CSMD3: variants seen among roughly 807,000 people sequenced by gnomAD.
CSMD3 encodes the protein CUB and Sushi multiple domains 3.
Under a neutral mutation model 435.2 loss-of-function variants are expected in CSMD3, and 177 were observed. The ratio of observed to expected loss-of-function variants is 0.41; its 90% confidence interval spans 0.36 to 0.46. The LOEUF (loss-of-function observed/expected upper bound fraction) is 0.46, where lower values mean the gene tolerates loss of function less well. Among genes scored for constraint, CSMD3 ranks in the 20% least tolerant of loss-of-function variants. The probability of loss-of-function intolerance (pLI) is 0.34; values close to 1 mark genes in which losing one functional copy is unlikely to be tolerated. For synonymous variants in CSMD3, 1,656 were observed against 1,520.5 expected (o/e 1.09, Z -2.07); for missense variants, 4,265 against 4,504.6 (o/e 0.95, Z 1.52).
chr8:113,355,245 G>A (rs1337908941), intron 1 of CSMD3, among the ~76,000 whole-genome samples: 2 of 151,808 alleles, frequency 1.3e-5, no homozygotes, highest in Non-Finnish European at 2.9e-5. Context: ...GTATGTGTAG[G>A]TGTGTATGTG....
In CSMD3 at chr8:112,590,259, A is replaced by G. The variant is rs555293205; in HGVS notation, c.3716-3024T>C. Among the ~76,000 whole-genome samples, 8 of 152,224 alleles carry G rather than the reference A, an allele frequency of 5.3e-5. No homozygotes were observed. The East Asian group carries it at 1.4e-3, about 26-fold the overall frequency. ...TGGATGTCTATCATACAATCACTCA[A>G]ATAAAAATATAGTATGTGAAAGCAT... is the stretch of plus-strand genomic sequence containing the variant. On this transcript the variant is annotated intron_variant, in intron 22 of 70. Coordinates refer to ENST00000297405, the MANE Select transcript of CSMD3 (RefSeq NM_198123.2).
intron 1 of CSMD3, among the ~76,000 whole-genome samples, chr8:113,404,607 A>G (rs2094524465): frequency 6.6e-6 from 1 of 151,428 alleles, no homozygotes; most frequent in Admixed American, 6.6e-5. Flanking sequence ...TTGTCTGAGC[A>G]GGATATATGT....
At chr8:112,986,234 T>A (rs115116220) in intron 6 of CSMD3, among the ~76,000 whole-genome samples, 2,177 of 152,322 alleles carry the variant, frequency 0.014, 60 homozygotes, top group African/African-American at 0.05. Flanking sequence ...AATGTTTCTT[T>A]TCTATCTGAA....
chr8:113,308,853 T>C (rs2132639592), intron 2 of CSMD3, among the ~76,000 whole-genome samples: 1 of 152,330 alleles, frequency 6.6e-6, no homozygotes, highest in Admixed American at 6.5e-5. Flanking sequence ...CTGGATGTTA[T>C]TTAGTTTAAG....
chr8:113,104,326 T>C (rs954438371), intron 4 of CSMD3, among the ~76,000 whole-genome samples: 1 of 152,120 alleles, frequency 6.6e-6, no homozygotes, highest in East Asian at 1.9e-4. Context: ...CCATCAGCAC[T>C]CAAGTGAAAC....
At chr8:112,740,189 T>TA (rs1235009186) in intron 13 of CSMD3, among the ~76,000 whole-genome samples, 5 of 151,832 alleles carry the variant, frequency 3.3e-5, no homozygotes, top group African/African-American at 4.8e-5. Context: ...CACAAAAATA[T>TA]AAAAAAAATT....
chr8:112,958,166 A>G (rs926455996), intron 7 of CSMD3, among the ~76,000 whole-genome samples: 1 of 152,170 alleles, frequency 6.6e-6, no homozygotes, highest in East Asian at 1.9e-4. Context: ...AAGATGAAGC[A>G]CTTTCATTTG....
chr8:112,312,130 G>T (rs1822032921), intron 49 of CSMD3, among the ~76,000 whole-genome samples: 1 of 152,100 alleles, frequency 6.6e-6, no homozygotes, highest in Non-Finnish European at 1.5e-5. Context: ...AATTTAATGT[G>T]CTGACTTTTA....
intron 6 of CSMD3, among the ~76,000 whole-genome samples, chr8:113,017,672 A>G (rs1326295735): frequency 1.3e-5 from 2 of 151,986 alleles, no homozygotes; most frequent in African/African-American, 2.4e-5. Context: ...CCACAAGTAA[A>G]AGGGTCAACC....
chr8:112,753,540 A>G (rs538375425), intron 13 of CSMD3, among the ~76,000 whole-genome samples: 81 of 152,336 alleles, frequency 5.3e-4, no homozygotes, highest in African/African-American at 1.9e-3. Flanking sequence ...TAAACACGGA[A>G]AAAGTAGTGT....
intron 63 of CSMD3, 51 bp from the exon 64 acceptor site, chr8:112,247,182 T>G (rs1303263747): frequency 8.9e-6 from 10 of 1,125,458 alleles, no homozygotes; most frequent in Non-Finnish European, 1.1e-5. Context: ...ACTTCAAATA[T>G]GGCAACAAAC....
chr8:112,288,134 T>C (rs189490737), intron 57 of CSMD3, among the ~76,000 whole-genome samples: 71 of 152,206 alleles, frequency 4.7e-4, no homozygotes, highest in Admixed American at 1.1e-3. Context: ...CTTCATTATA[T>C]GTCCTTATTT....
intron 3 of CSMD3, among the ~76,000 whole-genome samples, chr8:113,269,321 A>T (rs938910321): frequency 2.6e-5 from 4 of 152,162 alleles, no homozygotes; most frequent in Non-Finnish European, 5.9e-5. Flanking sequence ...GATACAAACA[A>T]ATTGAAGAAT....
chr8:113,311,379 T>C (rs1013670063), intron 2 of CSMD3: 3 of 152,090 alleles, frequency 2.0e-5, no homozygotes, highest in Non-Finnish European at 4.4e-5. Context: ...TGAATCCCAG[T>C]GTGTTTATTT....
At chr8:112,705,943 T>TA (rs1366174360) in intron 13 of CSMD3, among the ~76,000 whole-genome samples, 1 of 152,024 alleles carries the variant, frequency 6.6e-6, no homozygotes, top group Non-Finnish European at 1.5e-5. Context: ...GGTAGCATTT[T>TA]AAAAAAACTT....
intron 37 of CSMD3, among the ~76,000 whole-genome samples, chr8:112,383,114 T>A (rs1222133004): frequency 6.6e-6 from 1 of 152,256 alleles, no homozygotes; most frequent in Non-Finnish European, 1.5e-5. Context: ...TAATTTTATA[T>A]AATTTTATTC....
At chr8:112,849,978 C>G (rs2080438791) in intron 11 of CSMD3, among the ~76,000 whole-genome samples, 1 of 152,062 alleles carries the variant, frequency 6.6e-6, no homozygotes, top group Admixed American at 6.6e-5. Context: ...AAATTACTTT[C>G]TCTCTCTGAC....
In CSMD3 at chr8:112,472,636, C is replaced by T. The variant is rs1347841014; in HGVS notation, c.5350G>A (p.Val1784Met). 2.5e-6 allele frequency: 4 copies of T among 1,610,758 alleles called. No individual in the cohort carries two copies. The highest frequency in any genetic ancestry group is 4.5e-5 in the East Asian group (2 of 44,762). The change falls in exon 32 of 71, where the codon GTG (valine) becomes ATG (methionine). Residue 1784 changes from valine to methionine, a missense_variant. By Grantham distance (21) the Val-to-Met change is conservative. Transcript: ENST00000297405. ...ATAGAATAAACACAATTATGTCCCA[C>T]ACTGTAATTTTTTGGATAGTTTGGT... ...LSPNYPKNYS[V>M]GHNCVYSIAV...
At chr8:112,639,681 T>C (rs2074765388) in intron 20 of CSMD3, among the ~76,000 whole-genome samples, 1 of 152,150 alleles carries the variant, frequency 6.6e-6, no homozygotes, top group Non-Finnish European at 1.5e-5. Context: ...TGGAATCATA[T>C]ATACTCTTTT....
Sources: gnomAD v4.1 joint callset for allele counts (sites outside exome capture counted in the v4.1 genomes callset) on GRCh38, gnomAD v4.1.1 for gene constraint, MANE v1.5 for transcripts, NCBI Gene and HGNC (gene_info 2026-07-23, HGNC 2026-07-21) for gene names.